The following REDIC1 variants were observed in gnomAD, a reference collection of about 807,000 sequenced individuals.
REDIC1 encodes the protein HEI10 Interacting Protein 1.
the REDIC1 span, among the ~76,000 whole-genome samples, chr12:39,771,435 A>G: frequency 6.6e-6 from 1 of 152,146 alleles, no homozygotes; most frequent in Non-Finnish European, 1.5e-5. Flanking sequence ...GAAGGAACTG[A>G]GGGCAGCCTC....
the REDIC1 span, among the ~76,000 whole-genome samples, chr12:39,711,709 A>ATGTG: frequency 8.6e-5 from 1 of 11,562 alleles, no homozygotes; most frequent in African/African-American, 1.6e-4. Context: ...GTGTATACAC[A>ATGTG]TGCATGTGTA....
At chr12:39,829,459 T>C in the REDIC1 span, 1 of 123,942 alleles carries the variant, frequency 8.1e-6, no homozygotes, top group African/African-American at 3.1e-5. Flanking sequence ...TAGGCTGGAG[T>C]GCAGTGGTTT....
the REDIC1 span, among the ~76,000 whole-genome samples, chr12:39,751,796 A>T: frequency 1.3e-5 from 2 of 152,092 alleles, no homozygotes; most frequent in Non-Finnish European, 2.9e-5. Context: ...GCAAACTATC[A>T]CAAGGACAAA....
chr12:39,646,472 G>A, the REDIC1 span: 1 of 1,552,314 alleles, frequency 6.4e-7, no homozygotes, highest in South Asian at 1.2e-5. Context: ...GTAGGTTTTA[G>A]CTAGGATTTA....
the REDIC1 span, among the ~76,000 whole-genome samples, chr12:39,837,794 C>T: frequency 1.1e-4 from 16 of 152,206 alleles, no homozygotes; most frequent in African/African-American, 2.2e-4. Flanking sequence ...CTCTGAGATA[C>T]CATCTCACAC....
the REDIC1 span, among the ~76,000 whole-genome samples, chr12:39,682,037 T>C: frequency 6.6e-6 from 1 of 152,172 alleles, no homozygotes; most frequent in African/African-American, 2.4e-5. Context: ...TTACAAGTTA[T>C]CTAACTCATC....
chr12:39,671,850 C>T, the REDIC1 span, among the ~76,000 whole-genome samples: 5 of 152,100 alleles, frequency 3.3e-5, no homozygotes, highest in African/African-American at 1.2e-4. Context: ...GTAGATTGCA[C>T]ACTGGTGGCA....
chr12:39,807,723 C>T, the REDIC1 span, among the ~76,000 whole-genome samples: 1 of 152,066 alleles, frequency 6.6e-6, no homozygotes, highest in South Asian at 2.1e-4. Context: ...TCCATTTCTT[C>T]TAAGTGCACC....
the REDIC1 span, among the ~76,000 whole-genome samples, chr12:39,653,592 C>CTTCTTCTTCTTTT: frequency 2.3e-3 from 53 of 22,648 alleles, no homozygotes; most frequent in Admixed American, 2.5e-3. Context: ...CTTCTTCTTC[C>CTTCTTCTTCTTTT]TCTTCTTCTT....
the REDIC1 span, among the ~76,000 whole-genome samples, chr12:39,632,322 T>G: frequency 6.6e-6 from 1 of 152,206 alleles, no homozygotes; most frequent in African/African-American, 2.4e-5. Flanking sequence ...GGTCTTGAAC[T>G]CCTGACCTCA....
the REDIC1 span, among the ~76,000 whole-genome samples, chr12:39,701,229 A>G: frequency 2.6e-5 from 4 of 152,316 alleles, no homozygotes; most frequent in South Asian, 4.2e-4. Flanking sequence ...TCAAAATAAA[A>G]GGATGGAGGA....
At chr12:39,636,288 C>G in the REDIC1 span, among the ~76,000 whole-genome samples, 1 of 151,854 alleles carries the variant, frequency 6.6e-6, no homozygotes. Context: ...TGAATTTTTG[C>G]TTTATTGGTT....
chr12:39,895,562 A>ACG, the REDIC1 span, among the ~76,000 whole-genome samples: 1 of 138,302 alleles, frequency 7.2e-6, no homozygotes, highest in Non-Finnish European at 1.6e-5. Flanking sequence ...ACACACACAC[A>ACG]CACACGTGTA....
At chr12:39,691,205 C>T in the REDIC1 span, among the ~76,000 whole-genome samples, 120,370 of 151,990 alleles carry the variant, frequency 0.79, 48,373 homozygotes, top group Non-Finnish European at 0.86. Flanking sequence ...CCAGAACTTA[C>T]GTAACATGTC....
the REDIC1 span, among the ~76,000 whole-genome samples, chr12:39,706,588 A>G: frequency 6.6e-6 from 1 of 151,816 alleles, no homozygotes; most frequent in Non-Finnish European, 1.5e-5. Flanking sequence ...AAACAGCATG[A>G]GAAGTATAGT....
At chr12:39,902,383 T>C in the REDIC1 span, among the ~76,000 whole-genome samples, 2 of 151,834 alleles carry the variant, frequency 1.3e-5, no homozygotes, top group African/African-American at 4.8e-5. Context: ...TGAAAAGATA[T>C]GTACATACAC....
At chr12:39,745,906 G>C in the REDIC1 span, 2 of 152,228 alleles carry the variant, frequency 1.3e-5, no homozygotes, top group African/African-American at 2.4e-5. Context: ...AGGAATGCTT[G>C]AGATGCATGG....
At chr12:39,812,796 T>C in the REDIC1 span, among the ~76,000 whole-genome samples, 3 of 148,758 alleles carry the variant, frequency 2.0e-5, no homozygotes, top group South Asian at 2.2e-4. Flanking sequence ...CATATGACTT[T>C]AGGGGGTGGG....
At chr12:39,847,338 C>T in the REDIC1 span, among the ~76,000 whole-genome samples, 7 of 152,134 alleles carry the variant, frequency 4.6e-5, no homozygotes, top group African/African-American at 9.7e-5. Flanking sequence ...TAACTGGGCA[C>T]ATTGTGGCTC....
Sources: allele counts gnomAD v4.1 joint callset (sites outside exome capture counted in the v4.1 genomes callset), GRCh38; gene constraint gnomAD v4.1.1; transcripts MANE v1.5; gene names NCBI Gene and HGNC (gene_info 2026-07-23, HGNC 2026-07-21).